Variants in FNDC3B observed in about 807,000 individuals in gnomAD.
FNDC3B encodes the protein fibronectin type III domain containing 3B.
FNDC3B carries 12 observed loss-of-function variants against 151.5 expected under a neutral mutation model. The observed-to-expected ratio is 0.08, with a 90% CI of 0.05 to 0.13. FNDC3B has a LOEUF of 0.13. Ranked by LOEUF, FNDC3B falls within the 10% of genes least tolerant of loss-of-function variation. FNDC3B has a pLI of 1.00. For synonymous variants in FNDC3B, 528 were observed against 549.0 expected (o/e 0.96, Z 0.54); for missense variants, 1,214 against 1,505.3 (o/e 0.81, Z 3.20).
rs570853915 is a variant in FNDC3B at position 172,317,480 on chromosome 3, G to A, written c.1254+6599G>A. Reference sequence around the variant, plus strand: ...ATTACAGGCGTGAGCCACCACGCCCGGCCGGGGATTAATTTTCTAACACAT... The same window carrying A: ...ATTACAGGCGTGAGCCACCACGCCCAGCCGGGGATTAATTTTCTAACACAT... On this transcript the variant is annotated intron_variant, in intron 11 of 25. Coordinates refer to ENST00000415807, the MANE Select transcript of FNDC3B (RefSeq NM_022763.4). 2.2e-4 allele frequency among the ~76,000 whole-genome samples: 34 copies of A among 152,158 alleles called. No homozygotes were observed. In the South Asian group the frequency reaches 4.8e-3, roughly 21 times the overall value.
chr3:172,310,950 A>G (rs1427865403), intron 11 of FNDC3B, 69 bp downstream of exon 11: 14 of 1,085,460 alleles, frequency 1.3e-5, no homozygotes, highest in Non-Finnish European at 1.7e-5. Context: ...AACAAATGCC[A>G]TCTTATTCTT....
In FNDC3B at chr3:172,362,497, C is replaced by A. The variant is rs1734417039; in HGVS notation, c.2796-136C>A. 3.8e-5 allele frequency: 27 copies of A among 703,394 alleles called. No homozygotes were observed. In the South Asian group the frequency reaches 4.9e-4, roughly 13 times the overall value. 43.6% of individuals were successfully genotyped at this position (703,394 alleles called of 1,614,324 possible). On this transcript the variant is annotated intron_variant, in intron 22 of 25. Coordinates refer to ENST00000415807, the MANE Select transcript of FNDC3B (RefSeq NM_022763.4). ...CCGTGCTTCTATTTGTCTTGAGTTA[C>A]TTTAACTTGTTTTTCTTCATTCTAT...
rs1287834881 is a variant in FNDC3B, at chr3:172,397,481, A to G, written c.*6A>G. 1.2e-5 allele frequency: 18 copies of G among 1,549,546 alleles called. No homozygotes were observed. The highest frequency in any genetic ancestry group is 2.7e-5 in the African/African-American group (2 of 73,262). On this transcript the variant is annotated 3_prime_UTR_variant, in exon 26 of 26. Coordinates refer to ENST00000415807, the MANE Select transcript of FNDC3B (RefSeq NM_022763.4). ...AGTACTTCTTAATGAAGTAAACCCA[A>G]CAAAACTAGAGGTATGAATTAATGC... is the stretch of plus-strand genomic sequence containing the variant.
intron 4 of FNDC3B, among the ~76,000 whole-genome samples, chr3:172,236,986 G>A (rs1319967993): frequency 6.6e-6 from 1 of 152,172 alleles, no homozygotes; most frequent in African/African-American, 2.4e-5. Flanking sequence ...ATTTATATAT[G>A]ACTTAGCTGT....
chr3:172,186,221 A>G (rs753233374), intron 3 of FNDC3B, among the ~76,000 whole-genome samples: 6 of 152,138 alleles, frequency 3.9e-5, no homozygotes, highest in Non-Finnish European at 7.4e-5. Context: ...TAGTTTCTTT[A>G]CTATATGGAA....
chr3:172,317,166 A>G (rs1160500225), intron 11 of FNDC3B: 1 of 442,536 alleles, frequency 2.3e-6, no homozygotes, highest in Admixed American at 2.5e-5. Context: ...TGCATTGGGG[A>G]TTAATTTTCT....
intron 2 of FNDC3B, among the ~76,000 whole-genome samples, chr3:172,128,926 C>T (rs191345822): frequency 6.6e-6 from 1 of 152,152 alleles, no homozygotes; most frequent in Admixed American, 6.5e-5. Flanking sequence ...AAAAATGCTG[C>T]AAGTGTACTA....
chr3:172,194,378 A>G (rs1394363684), intron 3 of FNDC3B, among the ~76,000 whole-genome samples: 1 of 150,544 alleles, frequency 6.6e-6, no homozygotes, highest in Non-Finnish European at 1.5e-5. Context: ...CTTGTCGTTG[A>G]TGGATGACCT....
chr3:172,339,791 A>G (rs1733196491), intron 16 of FNDC3B, among the ~76,000 whole-genome samples: 2 of 152,162 alleles, frequency 1.3e-5, no homozygotes, highest in Admixed American at 1.3e-4. Flanking sequence ...TGAGTGAGTG[A>G]TTGAATCTTT....
chr3:172,209,949 C>T (rs1399392783), intron 3 of FNDC3B, among the ~76,000 whole-genome samples: 1 of 152,250 alleles, frequency 6.6e-6, no homozygotes, highest in Admixed American at 6.5e-5. Flanking sequence ...ACACACACAT[C>T]CGGCTGGCTC....
At chr3:172,156,611 T>C (rs1278742097) in intron 3 of FNDC3B, among the ~76,000 whole-genome samples, 6 of 152,132 alleles carry the variant, frequency 3.9e-5, no homozygotes, top group African/African-American at 1.4e-4. Flanking sequence ...CGTTTCTTTG[T>C]ATGTATCCTT....
At chr3:172,136,243 C>A (rs906442992) in intron 3 of FNDC3B, among the ~76,000 whole-genome samples, 1 of 152,052 alleles carries the variant, frequency 6.6e-6, no homozygotes, top group Admixed American at 6.5e-5. Flanking sequence ...ACTTAGATAC[C>A]CAGAATGAGA....
At chr3:172,221,430 C>G (rs1726274350) in intron 3 of FNDC3B, among the ~76,000 whole-genome samples, 1 of 147,488 alleles carries the variant, frequency 6.8e-6, no homozygotes, top group Non-Finnish European at 1.5e-5. Flanking sequence ...GGTCCCTAGA[C>G]AGCAGCATCC....
intron 22 of FNDC3B, among the ~76,000 whole-genome samples, chr3:172,354,869 CT>C (rs770411626): frequency 0.028 from 3,574 of 128,976 alleles, 104 homozygotes; most frequent in African/African-American, 0.08. Context: ...GTTTGATTTT[CT>C]TTTTTTTTTT....
Position 172,299,065 on chromosome 3 carries a change from T to C in FNDC3B, c.1061+278T>C, listed in dbSNP as rs142011248. Among the ~76,000 whole-genome samples, 422 of 152,346 alleles carry C rather than the reference T, an allele frequency of 2.8e-3. 2 individuals are homozygous for C. Among genetic ancestry groups the C allele is most frequent in the African/African-American group, 9.6e-3 (398 of 41,576 alleles). ...TTCTAAGATCTATTGGACTATGGTT[T>C]AACAGTTTCTTTCTGTAAAACAAAT... On this transcript the variant is annotated intron_variant, in intron 9 of 25. Transcript: ENST00000415807.
chr3:172,352,839 C>T lies in FNDC3B; in HGVS notation c.2551C>T (p.Leu851Phe), dbSNP rs766099113. The T allele has an allele frequency of 1.2e-6, 2 of 1,614,040 alleles. No homozygotes were observed. Among genetic ancestry groups the T allele is most frequent in the Non-Finnish European group, 1.7e-6 (2 of 1,180,034 alleles). ...NQAGAGPYSE[L>F]VLCQTPASAP... ...AGCAGGGGCAGGGCCGTACAGTGAA[C>T]TTGTCCTTTGCCAGACGCCAGCGTC... Residue 851 changes from leucine to phenylalanine, a missense_variant, in exon 22 of 26, where the codon CTT (leucine) becomes TTT (phenylalanine). By Grantham distance (22) the Leu-to-Phe change is conservative (BLOSUM62 0). Transcript: ENST00000415807. The surrounding 1 kb of genome is among the most constrained non-coding windows in gnomAD (Gnocchi z 4.2).
chr3:172,126,708 G>T (rs181896031), intron 2 of FNDC3B, among the ~76,000 whole-genome samples: 11 of 152,294 alleles, frequency 7.2e-5, no homozygotes, highest in African/African-American at 2.4e-4. Flanking sequence ...AATTCTTCCT[G>T]TGTGCTTTGA....
intron 7 of FNDC3B, among the ~76,000 whole-genome samples, chr3:172,290,000 G>A (rs1730241228): frequency 6.6e-6 from 1 of 152,196 alleles, no homozygotes; most frequent in African/African-American, 2.4e-5. Context: ...GTATCACTAA[G>A]CAAAAGTGAA....
chr3:172,107,273 C>T (rs995752912), intron 1 of FNDC3B, among the ~76,000 whole-genome samples: 1 of 151,958 alleles, frequency 6.6e-6, no homozygotes, highest in Non-Finnish European at 1.5e-5. Context: ...TGGGTACAAA[C>T]AAAATAAAGA....
Sources: allele counts gnomAD v4.1 joint callset (sites outside exome capture counted in the v4.1 genomes callset), GRCh38; gene constraint gnomAD v4.1.1; non-coding constraint Gnocchi (gnomAD v3.1); transcripts MANE v1.5; gene names NCBI Gene and HGNC (gene_info 2026-07-23, HGNC 2026-07-21).